The following CCDC102A variants were observed in gnomAD, a reference collection of about 807,000 sequenced individuals.
CCDC102A encodes the protein coiled-coil domain containing 102A.
CCDC102A carries 40 observed loss-of-function variants against 55.5 expected under a neutral mutation model. That is an observed-to-expected ratio of 0.72 (90% CI 0.56 to 0.94). CCDC102A has a LOEUF of 0.94. Ranked by LOEUF, CCDC102A falls within the 40% of genes least tolerant of loss-of-function variation. The pLI is 0.00. For synonymous variants in CCDC102A, 323 were observed against 339.0 expected, an observed-to-expected ratio of 0.95 and a Z score of 0.52; for missense variants, 779 against 768.6, an observed-to-expected ratio of 1.01 and a Z score of -0.16.
At position 57,516,622 on chromosome 16, in the gene CCDC102A, T is replaced by C. The variant is rs2031960342; in HGVS notation, c.1249-159A>G. 1.0e-5 allele frequency: 7 copies of C among 666,720 alleles called. No homozygotes were observed. Among genetic ancestry groups the C allele is most frequent in the Non-Finnish European group, 1.8e-5 (7 of 389,142 alleles). 41.3% of individuals were successfully genotyped at this position (666,720 alleles called of 1,614,324 possible). A position where few individuals can be genotyped will look rare whatever the true frequency, so the allele number is the denominator to read the frequency against. On this transcript the variant is annotated intron_variant, in intron 6 of 8. Transcript: ENST00000258214. This position sits in a 1 kb window ranked among gnomAD's most constrained non-coding sequence, Gnocchi z 4.4. ...TTGTCTGAAGTATCAGCAGTAGAGGTTTGGCTGAGCAGCCAGAGGCTGGAG... is the reference window on the plus strand; with the variant it reads ...TTGTCTGAAGTATCAGCAGTAGAGGCTTGGCTGAGCAGCCAGAGGCTGGAG...
At chr16:57,521,015 C>A in intron 4 of CCDC102A, 53 bp downstream of exon 4, 2 of 1,153,444 alleles carry the variant, frequency 1.7e-6, no homozygotes, top group South Asian at 2.5e-5. Context: ...TACTGAAATT[C>A]AACAGCGCGA....
chr16:57,530,097 T>G (rs1202988807), intron 1 of CCDC102A, among the ~76,000 whole-genome samples: 1 of 152,186 alleles, frequency 6.6e-6, no homozygotes, highest in Non-Finnish European at 1.5e-5. Context: ...CTGGGGATGA[T>G]GATGGAAACA....
At chr16:57,532,030 G>A (rs1450753082) in intron 1 of CCDC102A, among the ~76,000 whole-genome samples, 2 of 152,172 alleles carry the variant, frequency 1.3e-5, no homozygotes. Context: ...CCATGCATGA[G>A]GTCTAGGCCC....
At position 57,529,120 on chromosome 16, in the gene CCDC102A, G is replaced by A. The variant is rs1266147093; in HGVS notation, c.58C>T (p.Leu20Phe). Residue 20 changes from leucine to phenylalanine, a missense_variant, in exon 2 of 9, where the codon CTC becomes TTC. Transcript: ENST00000258214. The surrounding 1 kb of genome is among the most constrained non-coding windows in gnomAD (Gnocchi z 4.1). ...AESPQLSKGS[L>F]LTILGSPSPE... ...GACGGGCTGCCCAGGATGGTCAGGAGGCTGCCCTTGGACAGCTGCGGGGAC... is the reference window on the plus strand; with the variant it reads ...GACGGGCTGCCCAGGATGGTCAGGAAGCTGCCCTTGGACAGCTGCGGGGAC... The A allele has an allele frequency of 1.7e-6, 2 of 1,184,342 alleles. No individual in the cohort carries two copies. The highest frequency in any genetic ancestry group is 2.1e-6 in the Non-Finnish European group (2 of 957,090). 73.4% of individuals were successfully genotyped at this position (1,184,342 alleles called of 1,614,324 possible). A position where few individuals can be genotyped will look rare whatever the true frequency, so the allele number is the denominator to read the frequency against.
At chr16:57,517,049 CTTG>C (rs1567601477) in intron 6 of CCDC102A, among the ~76,000 whole-genome samples, 1 of 152,184 alleles carries the variant, frequency 6.6e-6, no homozygotes, top group African/African-American at 2.4e-5. Context: ...TCCTCCCTCT[CTTG>C]TTGTCCAGGG....
intron 8 of CCDC102A, among the ~76,000 whole-genome samples, chr16:57,513,421 C>T (rs766648210): frequency 5.3e-5 from 8 of 152,212 alleles, no homozygotes; most frequent in Non-Finnish European, 1.0e-4. Flanking sequence ...GCAAAGTGGC[C>T]GCCCCGGCTG....
rs763897893 is a variant in CCDC102A at position 57,512,870 on chromosome 16, C to G, written c.1524G>C (p.Arg508Ser). The G allele has an allele frequency of 4.3e-6, 7 of 1,612,804 alleles. No homozygotes were observed. Among genetic ancestry groups the G allele is most frequent in the East Asian group, 4.5e-5 (2 of 44,872 alleles). ...LQVQLEHLQS[R>S]LRRQQQNAPL... ...GAGCGTTCTGCTGCTGCCTGCGGAGCCTGTGGGGTGGGGGTGACAGGAGGT... is the reference window on the plus strand; with the variant it reads ...GAGCGTTCTGCTGCTGCCTGCGGAGGCTGTGGGGTGGGGGTGACAGGAGGT... Residue 508 changes from arginine to serine, a missense_variant and splice_region_variant, in exon 9 of 9, where the codon AGG becomes AGC. By Grantham distance (110) the Arg-to-Ser change is moderately radical (BLOSUM62 -1). Transcript: ENST00000258214.
Position 57,526,064 on chromosome 16 carries a change from C to A in CCDC102A, c.649G>T (p.Ala217Ser). Residue 217 changes from alanine to serine, a missense_variant, in exon 3 of 9, where the codon GCG (alanine) becomes TCG (serine). By Grantham distance (99) the Ala-to-Ser change is moderately conservative. Coordinates refer to ENST00000258214, the MANE Select transcript of CCDC102A (RefSeq NM_033212.4). ...MPEESEDCWEARSLGAGGPRG... is the reference protein window; with the variant it reads ...MPEESEDCWESRSLGAGGPRG... ...GGGCCCCCAGCCCCCAGGCTGCGCG[C>A]CTCCCAGCAGTCCTCAGACTCCTCT... 6.3e-7 allele frequency: 1 copy of A among 1,589,926 alleles called. No individual in the cohort carries two copies. The highest frequency in any genetic ancestry group is 8.5e-7 in the Non-Finnish European group (1 of 1,171,882).
intron 1 of CCDC102A, among the ~76,000 whole-genome samples, chr16:57,530,478 G>A (rs1858268221): frequency 6.6e-6 from 1 of 152,172 alleles, no homozygotes. Flanking sequence ...AGTGATCAGT[G>A]TACTGTCGGT....
At chr16:57,522,661 G>A (rs567812837) in intron 3 of CCDC102A, among the ~76,000 whole-genome samples, 48 of 152,210 alleles carry the variant, frequency 3.2e-4, no homozygotes, top group Non-Finnish European at 5.9e-4. Context: ...ACACCTGCAT[G>A]AGCCGCCTTT....
intron 3 of CCDC102A, 51 bp downstream of exon 3, chr16:57,525,850 T>C (rs370159105): frequency 1.0e-5 from 16 of 1,534,124 alleles, no homozygotes; most frequent in African/African-American, 2.7e-5. Context: ...CTGAGGGCGT[T>C]GTAGCACGGC....
chr16:57,529,292 C>T lies in CCDC102A; in HGVS notation c.-115G>A. The T allele has an allele frequency of 1.8e-6, 2 of 1,119,336 alleles. No individual in the cohort carries two copies. The highest frequency in any genetic ancestry group is 3.9e-4 in the Middle Eastern group (1 of 2,566). The allele number at this position is 1,119,336 out of a possible 1,614,324, so 69.3% of individuals were successfully genotyped here. On this transcript the variant is annotated 5_prime_UTR_variant, in exon 2 of 9. Coordinates refer to ENST00000258214, the MANE Select transcript of CCDC102A (RefSeq NM_033212.4). This position sits in a 1 kb window ranked among gnomAD's most constrained non-coding sequence, Gnocchi z 4.1. ...TGATGACGCCGTGCCCCGCTTCCCT[C>T]TGGGCCACCGGGCGGAGGACGCCTC...
At chr16:57,519,983 C>T (rs1479543186) in intron 4 of CCDC102A, among the ~76,000 whole-genome samples, 1 of 152,226 alleles carries the variant, frequency 6.6e-6, no homozygotes, top group African/African-American at 2.4e-5. Context: ...GTAGTGGCAG[C>T]TCAGCCTGCT....
Position 57,516,487 on chromosome 16 carries a change from G to A in CCDC102A, c.1249-24C>T. On this transcript the variant is annotated intron_variant, in intron 6 of 8. Coordinates refer to ENST00000258214, the MANE Select transcript of CCDC102A (RefSeq NM_033212.4). This position sits in a 1 kb window ranked among gnomAD's most constrained non-coding sequence, Gnocchi z 4.4. ...TCCTACAGGGCACAGGGATGGGGTG[G>A]GAGGGAGGAGGGAATCAGTATCAGC... The A allele has an allele frequency of 6.3e-7, 1 of 1,584,760 alleles. No individual in the cohort carries two copies. The highest frequency in any genetic ancestry group is 1.1e-5 in the South Asian group (1 of 90,212).
At chr16:57,517,962 C>T (rs1290882560) in intron 6 of CCDC102A, 106 bp downstream of exon 6, 6 of 1,277,830 alleles carry the variant, frequency 4.7e-6, no homozygotes, top group East Asian at 2.3e-5. Flanking sequence ...TGAATACATG[C>T]AGCTACCATA....
chr16:57,526,581 G>A (rs1441687379), intron 2 of CCDC102A, among the ~76,000 whole-genome samples: 1 of 152,206 alleles, frequency 6.6e-6, no homozygotes, highest in East Asian at 1.9e-4. Flanking sequence ...AGGAGAGCCA[G>A]CTCCCAGACA....
chr16:57,517,505 G>A (rs753284444), intron 6 of CCDC102A, among the ~76,000 whole-genome samples: 6 of 151,940 alleles, frequency 3.9e-5, no homozygotes, highest in South Asian at 2.1e-4. Context: ...CACAATGCTC[G>A]GCTAATTTTT....
Position 57,516,988 on chromosome 16 carries a change from T to C in CCDC102A, c.1249-525A>G, listed in dbSNP as rs1456590767. ...GAATAGGCATTGCCTAAAGGTCTCTTGAGTCCATCCTTTTTGTTCCATCTC... is the reference window on the plus strand; with the variant it reads ...GAATAGGCATTGCCTAAAGGTCTCTCGAGTCCATCCTTTTTGTTCCATCTC... On this transcript the variant is annotated intron_variant, in intron 6 of 8. Transcript: ENST00000258214. This position sits in a 1 kb window ranked among gnomAD's most constrained non-coding sequence, Gnocchi z 4.4. Among the ~76,000 whole-genome samples, 1 of 152,172 alleles carries C rather than the reference T, an allele frequency of 6.6e-6. No individual in the cohort carries two copies. Among genetic ancestry groups the C allele is most frequent in the African/African-American group, 2.4e-5 (1 of 41,434 alleles).
In CCDC102A at chr16:57,529,241, C is replaced by T; in HGVS notation, c.-64G>A. The T allele has an allele frequency of 8.8e-7, 1 of 1,130,016 alleles. No individual in the cohort carries two copies. The highest frequency in any genetic ancestry group is 1.1e-6 in the Non-Finnish European group (1 of 921,164). The allele number at this position is 1,130,016 out of a possible 1,614,324, so 70.0% of individuals were successfully genotyped here. The stretch of plus-strand genomic sequence containing the variant: ...GGGCTCAGGGGCGGCTCCGGGGACG[C>T]GCGGCGGGCGCGATACAACTGTGCA... On this transcript the variant is annotated 5_prime_UTR_variant, in exon 2 of 9. Coordinates refer to ENST00000258214, the MANE Select transcript of CCDC102A (RefSeq NM_033212.4). This position sits in a 1 kb window ranked among gnomAD's most constrained non-coding sequence, Gnocchi z 4.1.
Sources: gnomAD v4.1 joint callset for allele counts (sites outside exome capture counted in the v4.1 genomes callset) on GRCh38, gnomAD v4.1.1 for gene constraint, Gnocchi (gnomAD v3.1) non-coding constraint, MANE v1.5 for transcripts, NCBI Gene and HGNC (gene_info 2026-07-23, HGNC 2026-07-21) for gene names.